Variants in AHCY observed in about 807,000 individuals in gnomAD.
AHCY encodes adenosylhomocysteinase, also known as S-adenosyl-L-homocysteine hydrolase.
AHCY carries 24 observed loss-of-function variants against 45.4 expected under a neutral mutation model. The observed-to-expected ratio is 0.53, with a 90% CI of 0.38 to 0.74. The LOEUF (loss-of-function observed/expected upper bound fraction) is 0.74, where lower values mean the gene tolerates loss of function less well. Ranked by LOEUF, AHCY falls within the 30% of genes least tolerant of loss-of-function variation. The probability of loss-of-function intolerance (pLI) is 0.00; values close to 1 mark genes in which losing one functional copy is unlikely to be tolerated. For synonymous variants in AHCY, 245 were observed against 235.1 expected (o/e 1.04, Z -0.39); for missense variants, 449 against 594.1 (o/e 0.76, Z 2.54).
At chr20:34,261,272 G>T in the AHCY span, among the ~76,000 whole-genome samples, 1 of 152,066 alleles carries the variant, frequency 6.6e-6, no homozygotes, top group Non-Finnish European at 1.5e-5. Context: ...CTGGAGGCAT[G>T]AGGATTGTTT....
At chr20:34,263,065 C>A in the AHCY span, among the ~76,000 whole-genome samples, 1 of 152,058 alleles carries the variant, frequency 6.6e-6, no homozygotes, top group East Asian at 1.9e-4. Flanking sequence ...AGCCAGACAC[C>A]CACAGAAGCC....
chr20:34,281,492 C>T, intron 9 of AHCY: 1 of 380,034 alleles, frequency 2.6e-6, no homozygotes, highest in Non-Finnish European at 5.1e-6. Flanking sequence ...TTTTCCATGA[C>T]AGGCAGAGAC....
chr20:34,243,436 T>A, the AHCY span, among the ~76,000 whole-genome samples: 55 of 152,056 alleles, frequency 3.6e-4, no homozygotes, highest in African/African-American at 1.1e-3. Context: ...ATCAAATAAT[T>A]TTAGTGTTGT....
upstream of AHCY, among the ~76,000 whole-genome samples, chr20:34,306,804 C>A (rs1325811628): frequency 2.6e-5 from 4 of 152,146 alleles, no homozygotes; most frequent in African/African-American, 4.8e-5. Flanking sequence ...GTGACAAAAA[C>A]CAATTCCAAT....
chr20:34,267,785 C>T, the AHCY span, among the ~76,000 whole-genome samples: 1 of 151,680 alleles, frequency 6.6e-6, no homozygotes, highest in East Asian at 1.9e-4. Context: ...CCTGCCTAGG[C>T]CTCCCAAAGT....
At chr20:34,275,682 C>CTT (rs57480737), downstream of AHCY, among the ~76,000 whole-genome samples, 12,133 of 140,064 alleles carry the variant, frequency 0.087, 1,756 homozygotes, top group African/African-American at 0.3. Context: ...TTATATCTTT[C>CTT]TTTTTTTTTT....
chr20:34,295,648 T>C, intron 1 of AHCY, 63 bp from the exon 2 acceptor site: 1 of 1,555,522 alleles, frequency 6.4e-7, no homozygotes, highest in Non-Finnish European at 8.8e-7. Flanking sequence ...AGAGGGGCGG[T>C]CACTGCATGG....
chr20:34,292,778 A>G (rs1222307144), intron 3 of AHCY, among the ~76,000 whole-genome samples: 1 of 152,216 alleles, frequency 6.6e-6, no homozygotes, highest in African/African-American at 2.4e-5. Flanking sequence ...TAGGGCTCAC[A>G]ATAGTATGGA....
exon 1 of AHCY, chr20:34,311,534 G>A (rs1291937235): frequency 6.6e-6 from 1 of 152,622 alleles, no homozygotes; most frequent in Non-Finnish European, 1.5e-5. Flanking sequence ...AGAGGGGGCG[G>A]AGAGGGGGCG....
chr20:34,272,415 A>G, the AHCY span, among the ~76,000 whole-genome samples: 2 of 152,074 alleles, frequency 1.3e-5, no homozygotes, highest in Non-Finnish European at 2.9e-5. Context: ...CAATTCCAAC[A>G]CTATCTACTT....
intron 5 of AHCY, 73 bp downstream of exon 5, chr20:34,291,346 G>T: frequency 7.3e-7 from 1 of 1,369,590 alleles, no homozygotes; most frequent in Non-Finnish European, 1.0e-6. Context: ...AGCCTTCCTG[G>T]GCACTCTTCT....
chr20:34,277,563 C>T (rs1361113953), downstream of AHCY, among the ~76,000 whole-genome samples: 2 of 151,610 alleles, frequency 1.3e-5, no homozygotes, highest in African/African-American at 2.4e-5. Context: ...GTCAGGAGAT[C>T]GAAACCACGG....
chr20:34,290,368 G>A lies in AHCY; in HGVS notation c.936C>T (p.Asn312=), dbSNP rs528770765. The A allele has an allele frequency of 3.0e-5, 48 of 1,613,948 alleles. No homozygotes were observed. Among genetic ancestry groups the A allele is most frequent in the Middle Eastern group, 3.3e-4 (2 of 6,084 alleles). ...FDVEIDVKWL[N]ENAVEKVNIK... is the part of the protein sequence containing the mutation. The stretch of plus-strand genomic sequence containing the variant: ...TGTTCACCTTCTCCACGGCGTTCTC[G>A]TTGAGCCACTTGACATCGATCTCCA... Residue 312 remains asparagine, a synonymous_variant, in exon 8 of 10, where the codon AAC becomes AAT. Coordinates refer to ENST00000217426, the MANE Select transcript of AHCY (RefSeq NM_000687.4). This position sits in a 1 kb window ranked among gnomAD's most constrained non-coding sequence, Gnocchi z 4.5.
At chr20:34,303,584 A>G (rs968641743), upstream of AHCY, among the ~76,000 whole-genome samples, 4 of 152,370 alleles carry the variant, frequency 2.6e-5, no homozygotes, top group Admixed American at 6.5e-5. Flanking sequence ...TGGTTCAGCC[A>G]GTTGATTCAG....
At chr20:34,241,532 C>T in the AHCY span, 1 of 985,240 alleles carries the variant, frequency 1.0e-6, no homozygotes, top group African/African-American at 1.7e-5. Context: ...AGGAGTGAAG[C>T]TGCTGCTACT....
intron 1 of AHCY, among the ~76,000 whole-genome samples, chr20:34,308,655 ATTT>A (rs745327223): frequency 1.4e-5 from 2 of 142,484 alleles, no homozygotes; most frequent in Non-Finnish European, 1.5e-5. Flanking sequence ...TAATTTGGCA[ATTT>A]TTTTTTTTTT....
At chr20:34,245,744 T>TC in the AHCY span, among the ~76,000 whole-genome samples, 1 of 152,032 alleles carries the variant, frequency 6.6e-6, no homozygotes, top group South Asian at 2.1e-4. Flanking sequence ...CATGACAGTC[T>TC]CCCTGTTTAT....
chr20:34,302,505 A>G (rs1215930426), intron 1 of AHCY: 2 of 730,968 alleles, frequency 2.7e-6, no homozygotes, highest in Non-Finnish European at 3.3e-6. Flanking sequence ...CAGGATTCTC[A>G]TCATAAAATG....
rs141246532 is a variant in AHCY at position 34,280,282 on chromosome 20, A to G, written c.*752T>C. ...GCTCAAAATTCTTCCAGGCACCAAG[A>G]TTTTTATTTACCCACCTTCCTGCTT... On this transcript the variant is annotated 3_prime_UTR_variant, in exon 10 of 10. Transcript: ENST00000217426. 2.0e-5 allele frequency: 3 copies of G among 152,386 alleles called. No individual in the cohort carries two copies. In the East Asian group the frequency reaches 5.8e-4, roughly 29 times the overall value. The allele number at this position is 152,386 out of a possible 1,614,324, so 9.4% of individuals were successfully genotyped here. A position where few individuals can be genotyped will look rare whatever the true frequency, so the allele number is the denominator to read the frequency against.
Sources: allele counts gnomAD v4.1 joint callset (sites outside exome capture counted in the v4.1 genomes callset), GRCh38; gene constraint gnomAD v4.1.1; non-coding constraint Gnocchi (gnomAD v3.1); transcripts MANE v1.5; gene names NCBI Gene and HGNC (gene_info 2026-07-23, HGNC 2026-07-21).